CALB2: variants seen among roughly 807,000 people sequenced by gnomAD.
CALB2 encodes the protein calbindin 2.
In CALB2, 34 loss-of-function variants were observed where a neutral mutation model predicts 45.9. The observed-to-expected ratio is 0.74, with a 90% CI of 0.56 to 0.99. The LOEUF is 0.99. Among genes scored for constraint, CALB2 ranks in the 50% least tolerant of loss-of-function variants. The pLI is 0.00. For missense variants in CALB2, 344 were observed against 339.3 expected, an observed-to-expected ratio of 1.01 and a Z score of -0.11; for synonymous variants, 142 against 129.6, an observed-to-expected ratio of 1.10 and a Z score of -0.65.
intron 4 of CALB2, among the ~76,000 whole-genome samples, chr16:71,378,966 C>T (rs747356809): frequency 2.0e-5 from 3 of 152,146 alleles, no homozygotes; most frequent in South Asian, 2.1e-4. Context: ...GATAAGGTTT[C>T]GGTTTTCCTT....
At chr16:71,372,258 G>C (rs766348153) in intron 2 of CALB2, 29 bp downstream of exon 2, 12 of 1,554,732 alleles carry the variant, frequency 7.7e-6, no homozygotes, top group Non-Finnish European at 1.1e-5. Context: ...CCGATTGTGT[G>C]GGATTTTCCT....
At chr16:71,384,417 C>T (rs1459764456) in intron 8 of CALB2, 39 bp downstream of exon 8, 1 of 1,571,990 alleles carries the variant, frequency 6.4e-7, no homozygotes, top group East Asian at 2.3e-5. Flanking sequence ...TTCCCTCATC[C>T]CTCTGAGCCT....
At chr16:71,388,347 A>AAG (rs1567545994) in intron 10 of CALB2, among the ~76,000 whole-genome samples, 2 of 91,092 alleles carry the variant, frequency 2.2e-5, no homozygotes, top group African/African-American at 7.0e-5. Context: ...AAAAAAAAAA[A>AAG]AAAAGAAAAA....
Position 71,390,177 on chromosome 16 carries a change from T to G in CALB2, c.*312T>G, listed in dbSNP as rs2042621544. 3.5e-6 allele frequency: 1 copy of G among 283,342 alleles called. No individual in the cohort carries two copies. The highest frequency in any genetic ancestry group is 6.8e-6 in the Non-Finnish European group (1 of 147,450). The allele number at this position is 283,342 out of a possible 1,614,324, so 17.6% of individuals were successfully genotyped here. A position where few individuals can be genotyped will look rare whatever the true frequency, so the allele number is the denominator to read the frequency against. On this transcript the variant is annotated 3_prime_UTR_variant, in exon 11 of 11. Transcript: ENST00000302628. ...GCTCCCTCGCTGTATGATTTAGGCT[T>G]CTATGTCCAACAGAGTGGACTCTTC... is the stretch of plus-strand genomic sequence containing the variant.
intron 1 of CALB2, among the ~76,000 whole-genome samples, chr16:71,367,008 A>G (rs2042294853): frequency 2.0e-5 from 3 of 152,092 alleles, no homozygotes; most frequent in Admixed American, 1.3e-4. Flanking sequence ...ATCTGAATGT[A>G]CAAGGCTCAG....
chr16:71,362,390 C>T (rs575215511), intron 1 of CALB2, among the ~76,000 whole-genome samples: 17 of 152,302 alleles, frequency 1.1e-4, no homozygotes, highest in African/African-American at 3.9e-4. Flanking sequence ...GGCAAGCAGA[C>T]ATTCATGGGG....
intron 4 of CALB2, among the ~76,000 whole-genome samples, 177 bp downstream of exon 4, chr16:71,377,924 T>C (rs1335875777): frequency 6.6e-6 from 1 of 152,132 alleles, no homozygotes; most frequent in Non-Finnish European, 1.5e-5. Context: ...TGGGTGCCTG[T>C]TAGAAAACAG....
intron 10 of CALB2, chr16:71,389,470 G>A (rs1350813632): frequency 1.7e-6 from 1 of 585,748 alleles, no homozygotes; most frequent in Non-Finnish European, 3.2e-6. Flanking sequence ...ACACCTCCAT[G>A]AGGCATGAAC....
In CALB2 at chr16:71,386,530, T is replaced by C. The variant is rs192673715; in HGVS notation, c.699+882T>C. 4.7e-3 allele frequency among the ~76,000 whole-genome samples: 723 copies of C among 152,306 alleles called. 19 individuals carry two copies. The highest frequency in any genetic ancestry group is 8.2e-4 in the Non-Finnish European group (56 of 68,026). On this transcript the variant is annotated intron_variant, in intron 10 of 10. Transcript: ENST00000302628. ...TGAACTCCATTATTTTGCCTGATGT[T>C]GCCTCCTGGGAATACCCTGGGAGAC...
At chr16:71,375,475 G>A (rs575864806) in intron 3 of CALB2, among the ~76,000 whole-genome samples, 1 of 152,278 alleles carries the variant, frequency 6.6e-6, no homozygotes, top group East Asian at 1.9e-4. Flanking sequence ...GGAGGCTGAG[G>A]CGGAGGATCC....
intron 4 of CALB2, among the ~76,000 whole-genome samples, chr16:71,380,656 A>C (rs967475126): frequency 2.6e-5 from 4 of 152,134 alleles, no homozygotes; most frequent in Admixed American, 2.0e-4. Context: ...GTCCCAGCAT[A>C]ACTGCAGAGG....
At chr16:71,384,879 T>A in intron 9 of CALB2, 43 bp downstream of exon 9, 8 of 1,555,964 alleles carry the variant, frequency 5.1e-6, no homozygotes, top group Non-Finnish European at 7.1e-6. Flanking sequence ...CAGAAGCCCA[T>A]CAGCCCGTCC....
chr16:71,363,180 A>C (rs1224880835), intron 1 of CALB2, among the ~76,000 whole-genome samples: 1 of 152,238 alleles, frequency 6.6e-6, no homozygotes, highest in Non-Finnish European at 1.5e-5. Context: ...GCCAGACCCT[A>C]TCTTTAAAAA....
In CALB2 at chr16:71,383,520, G is replaced by A. The variant is rs745487693; in HGVS notation, c.477+76G>A. On this transcript the variant is annotated intron_variant, in intron 6 of 10. Transcript: ENST00000302628. Reference sequence around the variant, plus strand: ...AAGCCACTTGGGCTCTGGTGTGCAGGGTCCCTTGTTTGCTGATTCTTCAGG... The same window carrying A: ...AAGCCACTTGGGCTCTGGTGTGCAGAGTCCCTTGTTTGCTGATTCTTCAGG... The A allele has an allele frequency of 6.7e-6, 9 of 1,339,168 alleles. No homozygotes were observed. In the Admixed American group the frequency reaches 1.6e-4, roughly 24 times the overall value. 83.0% of individuals were successfully genotyped at this position (1,339,168 alleles called of 1,614,324 possible). A position where few individuals can be genotyped will look rare whatever the true frequency, so the allele number is the denominator to read the frequency against.
At chr16:71,366,022 C>CTTTTATTTTT in intron 1 of CALB2, among the ~76,000 whole-genome samples, 1 of 50,552 alleles carries the variant, frequency 2.0e-5, no homozygotes, top group South Asian at 6.0e-4. Context: ...CCCTCTCTCT[C>CTTTTATTTTT]TCTTTTTTTT....
At chr16:71,380,231 C>G (rs977426229) in intron 4 of CALB2, among the ~76,000 whole-genome samples, 4 of 146,604 alleles carry the variant, frequency 2.7e-5, no homozygotes, top group African/African-American at 1.0e-4. Context: ...TCATTAGTGG[C>G]TTCTCTCTGT....
In CALB2 at chr16:71,358,781, G is replaced by A. The variant is rs752173653; in HGVS notation, c.-12G>A. The A allele has an allele frequency of 2.7e-5, 43 of 1,599,856 alleles. 1 individual carries two copies. In the East Asian group the frequency reaches 3.6e-4, roughly 13 times the overall value. ...GGGAGCGGTGCAGGCTGAGGTCTCCGAGCGGCTCGCCATGGCTGGCCCGCA... is the reference window on the plus strand; with the variant it reads ...GGGAGCGGTGCAGGCTGAGGTCTCCAAGCGGCTCGCCATGGCTGGCCCGCA... On this transcript the variant is annotated 5_prime_UTR_variant, in exon 1 of 11. Coordinates refer to ENST00000302628, the MANE Select transcript of CALB2 (RefSeq NM_001740.5).
chr16:71,385,740 T>A, intron 10 of CALB2, 92 bp downstream of exon 10: 1 of 912,392 alleles, frequency 1.1e-6, no homozygotes. Flanking sequence ...GGTCCTGCTC[T>A]CTACTCCCCT....
intron 1 of CALB2, among the ~76,000 whole-genome samples, chr16:71,364,703 C>T (rs542984216): frequency 3.3e-5 from 5 of 152,346 alleles, no homozygotes; most frequent in South Asian, 2.1e-4. Context: ...TCCAGAACCA[C>T]GGGTCCAAAG....
Sources: gnomAD v4.1 joint callset for allele counts (sites outside exome capture counted in the v4.1 genomes callset) on GRCh38, gnomAD v4.1.1 for gene constraint, MANE v1.5 for transcripts, NCBI Gene and HGNC (gene_info 2026-07-23, HGNC 2026-07-21) for gene names.